Variants in DDX10 observed in about 807,000 individuals in gnomAD.
DDX10 encodes the protein probable ATP-dependent RNA helicase DDX10.
Under a neutral mutation model 104.3 loss-of-function variants are expected in DDX10, and 74 were observed. The observed-to-expected ratio is 0.71, with a 90% confidence interval of 0.59 to 0.86. DDX10 has a LOEUF of 0.86. Ranked by LOEUF, DDX10 falls within the 40% of genes least tolerant of loss-of-function variation. DDX10 has a pLI of 0.00. For synonymous variants in DDX10, 351 were observed against 353.4 expected, an observed-to-expected ratio of 0.99 and a Z score of 0.08; for missense variants, 952 against 1,040.0, an observed-to-expected ratio of 0.92 and a Z score of 1.16.
At chr11:108,733,283 C>T (rs1447159166) in intron 13 of DDX10, among the ~76,000 whole-genome samples, 1 of 152,038 alleles carries the variant, frequency 6.6e-6, no homozygotes, top group Admixed American at 6.6e-5. Flanking sequence ...TGCCTCTTGT[C>T]TCTTCACTTT....
chr11:108,724,472 T>TA (rs746549729), intron 13 of DDX10, among the ~76,000 whole-genome samples: 41 of 152,108 alleles, frequency 2.7e-4, no homozygotes, highest in Non-Finnish European at 4.7e-4. Context: ...ACACAGGTAG[T>TA]AAATGGCAAA....
chr11:108,866,664 T>G (rs188925412), intron 16 of DDX10, among the ~76,000 whole-genome samples: 1 of 152,316 alleles, frequency 6.6e-6, no homozygotes, highest in Admixed American at 6.5e-5. Flanking sequence ...AGGACAATTT[T>G]TAATAGCTGC....
At chr11:108,780,477 A>T (rs2094376726) in intron 13 of DDX10, among the ~76,000 whole-genome samples, 1 of 152,146 alleles carries the variant, frequency 6.6e-6, no homozygotes, top group South Asian at 2.1e-4. Flanking sequence ...TTAGGCCAGA[A>T]AACATCTTTG....
intron 6 of DDX10, among the ~76,000 whole-genome samples, chr11:108,686,371 T>C (rs888072843): frequency 5.3e-5 from 8 of 152,210 alleles, no homozygotes; most frequent in African/African-American, 1.9e-4. Flanking sequence ...TTCACTGCCC[T>C]GAAAGTCCTC....
chr11:108,916,930 T>C (rs1349404202), intron 16 of DDX10, among the ~76,000 whole-genome samples: 1 of 152,012 alleles, frequency 6.6e-6, no homozygotes, highest in Non-Finnish European at 1.5e-5. Context: ...CTTCCATACA[T>C]TCCCTCCCAT....
At chr11:108,779,255 C>T (rs1307339865) in intron 13 of DDX10, among the ~76,000 whole-genome samples, 2 of 152,172 alleles carry the variant, frequency 1.3e-5, no homozygotes, top group African/African-American at 2.4e-5. Context: ...TATTGCAGCA[C>T]TATTCACAAT....
intron 15 of DDX10, among the ~76,000 whole-genome samples, chr11:108,842,701 C>G (rs572303672): frequency 6.6e-6 from 1 of 152,200 alleles, no homozygotes; most frequent in Admixed American, 6.5e-5. Flanking sequence ...GCATTTCTTG[C>G]ATTGCTGCTC....
intron 13 of DDX10, among the ~76,000 whole-genome samples, chr11:108,748,394 G>A (rs977145474): frequency 6.6e-6 from 1 of 152,138 alleles, no homozygotes; most frequent in Non-Finnish European, 1.5e-5. Flanking sequence ...TAGACATTGA[G>A]ACATTGAAGA....
At chr11:108,728,705 G>A (rs554610097) in intron 13 of DDX10, among the ~76,000 whole-genome samples, 2 of 151,950 alleles carry the variant, frequency 1.3e-5, no homozygotes, top group South Asian at 4.2e-4. Context: ...TTTTGTAGAG[G>A]TGGGTTCTTT....
At chr11:108,685,125 C>T (rs953678053) in intron 6 of DDX10, among the ~76,000 whole-genome samples, 7 of 150,746 alleles carry the variant, frequency 4.6e-5, no homozygotes, top group Non-Finnish European at 8.8e-5. Flanking sequence ...GAGTAGGTTG[C>T]GAAAATTTTC....
intron 16 of DDX10, among the ~76,000 whole-genome samples, chr11:108,907,467 C>G (rs1863612583): frequency 6.6e-6 from 1 of 152,160 alleles, no homozygotes; most frequent in Non-Finnish European, 1.5e-5. Flanking sequence ...TCCCAAATAG[C>G]TGGGATTACA....
At chr11:108,835,835 T>TG (rs988613375) in intron 13 of DDX10, among the ~76,000 whole-genome samples, 10 of 130,040 alleles carry the variant, frequency 7.7e-5, no homozygotes, top group Admixed American at 2.5e-4. Flanking sequence ...TGAGGCGTGG[T>TG]GGGGGGTGGG....
intron 13 of DDX10, among the ~76,000 whole-genome samples, chr11:108,762,286 G>A (rs1234506855): frequency 1.3e-5 from 2 of 152,186 alleles, no homozygotes; most frequent in Non-Finnish European, 2.9e-5. Context: ...GAGGAAATTG[G>A]CAGTTATTCC....
At chr11:108,782,345 A>G (rs142874147) in intron 13 of DDX10, among the ~76,000 whole-genome samples, 1 of 152,180 alleles carries the variant, frequency 6.6e-6, no homozygotes, top group Non-Finnish European at 1.5e-5. Flanking sequence ...TCATCCTTGA[A>G]TATCTCTGGG....
chr11:108,867,192 A>G (rs1863017712), intron 16 of DDX10, among the ~76,000 whole-genome samples: 2 of 152,214 alleles, frequency 1.3e-5, no homozygotes. Context: ...GTGGAGCAGT[A>G]CAAGTTAAAA....
intron 16 of DDX10, among the ~76,000 whole-genome samples, chr11:108,891,140 G>A (rs558969067): frequency 1.6e-4 from 25 of 152,264 alleles, no homozygotes; most frequent in African/African-American, 5.5e-4. Flanking sequence ...CAGCAATGTG[G>A]GGTCTTCATT....
chr11:108,887,592 A>C (rs554496665), intron 16 of DDX10, among the ~76,000 whole-genome samples: 66 of 151,992 alleles, frequency 4.3e-4, no homozygotes, highest in African/African-American at 8.4e-4. Flanking sequence ...TAAAAAAAAA[A>C]AAACAAACCA....
intron 13 of DDX10, among the ~76,000 whole-genome samples, chr11:108,770,394 T>G (rs1053562548): frequency 1.3e-5 from 2 of 152,100 alleles, no homozygotes; most frequent in African/African-American, 4.8e-5. Context: ...TCATTCTTTC[T>G]AACCACTTTT....
chr11:108,728,475 G>GT (rs903687735), intron 13 of DDX10, among the ~76,000 whole-genome samples: 16 of 113,416 alleles, frequency 1.4e-4, no homozygotes, highest in Admixed American at 3.9e-4. Context: ...AACTGTCTTT[G>GT]TTTTTTTAAG....
Sources: allele counts gnomAD v4.1 joint callset (sites outside exome capture counted in the v4.1 genomes callset), GRCh38; gene constraint gnomAD v4.1.1; transcripts MANE v1.5; gene names NCBI Gene and HGNC (gene_info 2026-07-23, HGNC 2026-07-21).